CYYR1: variants seen among roughly 807,000 people sequenced by gnomAD.
CYYR1 encodes the protein cysteine and tyrosine rich 1.
CYYR1 carries 14 observed loss-of-function variants against 15.2 expected under a neutral mutation model. The observed-to-expected ratio is 0.92, with a 90% confidence interval of 0.61 to 1.44. CYYR1 has a LOEUF of 1.44. Ranked by LOEUF, CYYR1 falls within the 40% of genes most tolerant of loss-of-function variation. The pLI, the probability that CYYR1 is intolerant of heterozygous loss-of-function variation, is 0.00. For missense variants in CYYR1, 228 were observed against 209.5 expected (o/e 1.09, Z -0.54); for synonymous variants, 80 against 77.4 (o/e 1.03, Z -0.18).
chr21:26,525,640 A>AAATTTATGG (rs2031320816), intron 2 of CYYR1, among the ~76,000 whole-genome samples: 1 of 152,200 alleles, frequency 6.6e-6, no homozygotes, highest in African/African-American at 2.4e-5. Flanking sequence ...TTTAATAAGT[A>AAATTTATGG]AATTTATGGC....
At chr21:26,546,889 C>T (rs914576972) in intron 2 of CYYR1, among the ~76,000 whole-genome samples, 5 of 152,022 alleles carry the variant, frequency 3.3e-5, no homozygotes, top group African/African-American at 1.2e-4. Context: ...CATTGTGGCT[C>T]GACGCTGCTT....
At chr21:26,470,303 C>T (rs2065018641) in intron 3 of CYYR1, among the ~76,000 whole-genome samples, 1 of 152,116 alleles carries the variant, frequency 6.6e-6, no homozygotes, top group African/African-American at 2.4e-5. Context: ...TTCTGATAAA[C>T]AGACATAGAC....
intron 2 of CYYR1, among the ~76,000 whole-genome samples, chr21:26,557,450 CAT>C (rs1278635232): frequency 6.6e-6 from 1 of 152,078 alleles, no homozygotes; most frequent in Non-Finnish European, 1.5e-5. Flanking sequence ...TTTTATGTAA[CAT>C]AAAACGCAAC....
intron 3 of CYYR1, among the ~76,000 whole-genome samples, chr21:26,469,296 A>G (rs1361820692): frequency 6.6e-6 from 1 of 152,118 alleles, no homozygotes; most frequent in Non-Finnish European, 1.5e-5. Flanking sequence ...ATTAGGTACC[A>G]AGTACAGGAC....
At chr21:26,505,508 A>G (rs1178277236) in intron 2 of CYYR1, among the ~76,000 whole-genome samples, 1 of 152,246 alleles carries the variant, frequency 6.6e-6, no homozygotes, top group Non-Finnish European at 1.5e-5. Context: ...TTTGTGTAAG[A>G]AAAATATATG....
At chr21:26,480,936 C>A (rs1233520931) in intron 2 of CYYR1, among the ~76,000 whole-genome samples, 1 of 152,060 alleles carries the variant, frequency 6.6e-6, no homozygotes, top group Non-Finnish European at 1.5e-5. Context: ...GAAAACCAAA[C>A]CAAACTTCAT....
intron 2 of CYYR1, among the ~76,000 whole-genome samples, chr21:26,552,918 A>C (rs756395164): frequency 2.6e-5 from 4 of 152,132 alleles, no homozygotes; most frequent in African/African-American, 4.8e-5. Flanking sequence ...TACCATATTT[A>C]CTAACTAGTA....
intron 2 of CYYR1, among the ~76,000 whole-genome samples, chr21:26,498,761 G>C (rs1034008388): frequency 6.6e-6 from 1 of 152,112 alleles, no homozygotes; most frequent in African/African-American, 2.4e-5. Flanking sequence ...ACAATCATGG[G>C]GAAGGGGAAG....
At chr21:26,544,807 C>T (rs886614645) in intron 2 of CYYR1, among the ~76,000 whole-genome samples, 1 of 151,634 alleles carries the variant, frequency 6.6e-6, no homozygotes, top group Non-Finnish European at 1.5e-5. Context: ...TAAGAAAGGC[C>T]GAGAAAGGTG....
At chr21:26,470,580 C>G (rs2065021824) in intron 3 of CYYR1, 1 of 152,372 alleles carries the variant, frequency 6.6e-6, no homozygotes, top group Non-Finnish European at 1.5e-5. Flanking sequence ...TTCCCCTTCC[C>G]CTTCCGCCAT....
intron 2 of CYYR1, among the ~76,000 whole-genome samples, chr21:26,522,702 TAC>T (rs2065816970): frequency 6.6e-6 from 1 of 152,192 alleles, no homozygotes; most frequent in African/African-American, 2.4e-5. Flanking sequence ...CTTGAAAATC[TAC>T]AGTCTATCAG....
intron 2 of CYYR1, among the ~76,000 whole-genome samples, chr21:26,487,894 T>C (rs1001981865): frequency 6.6e-6 from 1 of 151,210 alleles, no homozygotes; most frequent in South Asian, 2.1e-4. Context: ...ATGTAATTTT[T>C]CCAGTAAGTC....
intron 2 of CYYR1, among the ~76,000 whole-genome samples, chr21:26,487,535 C>T (rs2830254): frequency 0.23 from 34,888 of 151,836 alleles, 4,790 homozygotes; most frequent in Non-Finnish European, 0.31. Flanking sequence ...ACTGTAATAC[C>T]CTTGAATACA....
chr21:26,558,507 C>T (rs1479684683), intron 2 of CYYR1, among the ~76,000 whole-genome samples: 1 of 152,026 alleles, frequency 6.6e-6, no homozygotes, highest in African/African-American at 2.4e-5. Flanking sequence ...GAGTTGAAGG[C>T]CACTTCCCAA....
At chr21:26,566,109 G>T (rs1980595058) in intron 2 of CYYR1, among the ~76,000 whole-genome samples, 157 bp downstream of exon 2, 1 of 152,124 alleles carries the variant, frequency 6.6e-6, no homozygotes, top group Non-Finnish European at 1.5e-5. Flanking sequence ...TAGTCCATTA[G>T]ATAGCGATGT....
chr21:26,521,079 C>T (rs113503931), intron 2 of CYYR1, among the ~76,000 whole-genome samples: 8 of 152,218 alleles, frequency 5.3e-5, no homozygotes, highest in South Asian at 2.1e-4. Flanking sequence ...CTAATGCATG[C>T]GGGGCTTACT....
chr21:26,566,227 G>A, intron 2 of CYYR1, 39 bp downstream of exon 2: 1 of 1,426,790 alleles, frequency 7.0e-7, no homozygotes, highest in Non-Finnish European at 9.9e-7. Context: ...CTGGACAAGA[G>A]GAAGAGCATC....
At chr21:26,531,788 C>G (rs991400468) in intron 2 of CYYR1, among the ~76,000 whole-genome samples, 3 of 152,076 alleles carry the variant, frequency 2.0e-5, no homozygotes, top group African/African-American at 4.8e-5. Context: ...ATCCTTAGAT[C>G]GATAAAGAGT....
chr21:26,491,985 C>A (rs1335862350), intron 2 of CYYR1, among the ~76,000 whole-genome samples: 1 of 152,178 alleles, frequency 6.6e-6, no homozygotes, highest in Non-Finnish European at 1.5e-5. Context: ...TGAGGCTGCC[C>A]AGACTCAACA....
Sources: allele counts gnomAD v4.1 joint callset (sites outside exome capture counted in the v4.1 genomes callset), GRCh38; gene constraint gnomAD v4.1.1; transcripts MANE v1.5; gene names NCBI Gene and HGNC (gene_info 2026-07-23, HGNC 2026-07-21).